SPMIP5: variants seen among roughly 807,000 people sequenced by gnomAD.
SPMIP5 encodes sperm-associated microtubule inner protein 5.
the SPMIP5 span, chr10:116,664,215 T>C: frequency 6.2e-7 from 1 of 1,613,844 alleles, no homozygotes; most frequent in South Asian, 1.1e-5. Context: ...CAGCTCTTCA[T>C]GCTGCAAAAC....
chr10:116,668,318 C>T, the SPMIP5 span: 16 of 1,611,238 alleles, frequency 9.9e-6, no homozygotes, highest in African/African-American at 5.3e-5. Context: ...TCCATGATTT[C>T]GCTCTCTGTT....
chr10:116,668,180 C>G, the SPMIP5 span: 2 of 1,389,710 alleles, frequency 1.4e-6, no homozygotes, highest in Non-Finnish European at 2.0e-6. Context: ...CAGACACAGA[C>G]AGTGGGTCAA....
At chr10:116,668,879 T>C in the SPMIP5 span, among the ~76,000 whole-genome samples, 1 of 150,388 alleles carries the variant, frequency 6.6e-6, no homozygotes, top group Non-Finnish European at 1.5e-5. Context: ...GATGGGATGC[T>C]ACTGAACATC....
chr10:116,668,223 T>G, the SPMIP5 span: 1 of 1,602,540 alleles, frequency 6.2e-7, no homozygotes. Context: ...CGGGTTCCCC[T>G]GCCAGGCACA....
the SPMIP5 span, chr10:116,665,543 G>A: frequency 6.8e-7 from 1 of 1,479,366 alleles, no homozygotes; most frequent in Non-Finnish European, 9.3e-7. Flanking sequence ...GGGCAGCTCA[G>A]CTGGCCTATG....
chr10:116,669,970 C>G, the SPMIP5 span: 7 of 152,332 alleles, frequency 4.6e-5, no homozygotes, highest in Non-Finnish European at 8.8e-5. Flanking sequence ...GGCCTCTGCC[C>G]GGCCGCCCAG....
chr10:116,665,158 A>C, the SPMIP5 span: 5 of 1,277,176 alleles, frequency 3.9e-6, no homozygotes, highest in African/African-American at 1.5e-5. Flanking sequence ...GCACTTTGGG[A>C]GGCTGAGGCA....
At chr10:116,665,853 C>A in the SPMIP5 span, 1 of 1,582,166 alleles carries the variant, frequency 6.3e-7, no homozygotes, top group Non-Finnish European at 8.6e-7. Flanking sequence ...GAATCACAGC[C>A]TTCAGCAAGA....
the SPMIP5 span, chr10:116,668,357 T>G: frequency 1.3e-6 from 2 of 1,506,546 alleles, no homozygotes; most frequent in Admixed American, 1.7e-5. Flanking sequence ...TGAAACGGTC[T>G]CATCAAAAGT....
the SPMIP5 span, chr10:116,664,341 AAATAC>A: frequency 9.2e-7 from 1 of 1,087,046 alleles, no homozygotes; most frequent in Non-Finnish European, 1.3e-6. Context: ...AAATAGAATA[AAATAC>A]AATACATAAA....
the SPMIP5 span, chr10:116,665,197 G>T: frequency 9.6e-7 from 1 of 1,038,766 alleles, no homozygotes; most frequent in Non-Finnish European, 1.2e-6. Flanking sequence ...AGGAATTTGA[G>T]ACCACCCTCG....
chr10:116,668,232 C>T, the SPMIP5 span: 2 of 1,607,908 alleles, frequency 1.2e-6, no homozygotes, highest in East Asian at 2.2e-5. Context: ...CTGCCAGGCA[C>T]AGCTGCAGGG....
the SPMIP5 span, chr10:116,668,383 T>C: frequency 7.3e-7 from 1 of 1,365,002 alleles, no homozygotes; most frequent in Admixed American, 1.7e-5. Context: ...CCTTAAGGAA[T>C]TACTATTGAG....
chr10:116,665,420 AAG>A, the SPMIP5 span: 1 of 563,488 alleles, frequency 1.8e-6, no homozygotes, highest in Admixed American at 3.3e-5. Flanking sequence ...AAAAAAAAAA[AAG>A]AAAAAGAAAG....
chr10:116,665,335 G>A, the SPMIP5 span: 17 of 356,266 alleles, frequency 4.8e-5, no homozygotes, highest in African/African-American at 3.7e-4. Flanking sequence ...AACCCAGGAG[G>A]CAGAGGTTGC....
At chr10:116,662,771 C>A in the SPMIP5 span, among the ~76,000 whole-genome samples, 1 of 152,078 alleles carries the variant, frequency 6.6e-6, no homozygotes, top group Admixed American at 6.6e-5. Flanking sequence ...AAGTCCTAGT[C>A]CCCGTACTTT....
At chr10:116,662,821 G>A in the SPMIP5 span, among the ~76,000 whole-genome samples, 2 of 152,156 alleles carry the variant, frequency 1.3e-5, no homozygotes, top group East Asian at 3.9e-4. Context: ...CAGGTATAAT[G>A]AGTTACAATG....
the SPMIP5 span, among the ~76,000 whole-genome samples, chr10:116,669,073 G>A: frequency 6.6e-6 from 1 of 152,032 alleles, no homozygotes; most frequent in East Asian, 1.9e-4. Context: ...GCTTCAGGGG[G>A]CTCCACTGAA....
the SPMIP5 span, among the ~76,000 whole-genome samples, chr10:116,663,181 C>CAAAAAAAAAA: frequency 1.0e-5 from 1 of 96,928 alleles, no homozygotes; most frequent in Non-Finnish European, 2.0e-5. Context: ...GATTCTGTCT[C>CAAAAAAAAAA]AAAAAAAAAA....
Sources: allele counts gnomAD v4.1 joint callset (sites outside exome capture counted in the v4.1 genomes callset), GRCh38; gene constraint gnomAD v4.1.1; transcripts MANE v1.5; gene names NCBI Gene and HGNC (gene_info 2026-07-23, HGNC 2026-07-21).